DEPDC4: variants seen among roughly 807,000 people sequenced by gnomAD.
DEPDC4 encodes DEP domain-containing protein 4.
Under a neutral mutation model 52.0 loss-of-function variants are expected in DEPDC4, and 52 were observed. The ratio of observed to expected loss-of-function variants is 1.00; its 90% confidence interval spans 0.80 to 1.26. The LOEUF is 1.26. Ranked by LOEUF, DEPDC4 falls within the 50% of genes most tolerant of loss-of-function variation. The pLI is 0.00. For missense variants in DEPDC4, 530 were observed against 546.9 expected, an observed-to-expected ratio of 0.97 and a Z score of 0.31; for synonymous variants, 201 against 196.8, an observed-to-expected ratio of 1.02 and a Z score of -0.18.
In DEPDC4 at chr12:100,241,828, G is replaced by A; in HGVS notation, c.*64C>T. ...TTTTCAAACTCCTTGTATGTCAAGG[G>A]TTGGCAAAACGTAAAGCCTGGAAAA... is the stretch of plus-strand genomic sequence containing the variant. On this transcript the variant is annotated 3_prime_UTR_variant, in exon 10 of 10. Transcript: ENST00000550587. 2 of 1,194,006 alleles carry A rather than the reference G, an allele frequency of 1.7e-6. No individual in the cohort carries two copies. The highest frequency in any genetic ancestry group is 2.1e-6 in the Non-Finnish European group (2 of 947,824). 74.0% of individuals were successfully genotyped at this position (1,194,006 alleles called of 1,614,324 possible).
chr12:100,256,823 A>T (rs1365218579), intron 3 of DEPDC4, among the ~76,000 whole-genome samples: 1 of 151,590 alleles, frequency 6.6e-6, no homozygotes, highest in Non-Finnish European at 1.5e-5. Flanking sequence ...TCGTGTTTTT[A>T]GTAGAGACGG....
chr12:100,238,808 C>T (rs1381107262), downstream of DEPDC4, among the ~76,000 whole-genome samples: 2 of 152,086 alleles, frequency 1.3e-5, no homozygotes, highest in African/African-American at 4.8e-5. Flanking sequence ...GTTAATATAA[C>T]ATTGGGATAT....
chr12:100,280,384 C>T, the DEPDC4 span, among the ~76,000 whole-genome samples: 2 of 152,116 alleles, frequency 1.3e-5, no homozygotes, highest in Non-Finnish European at 1.5e-5. Flanking sequence ...GTATGGGGGC[C>T]TAATAATACC....
chr12:100,270,696 A>G (rs977569381), upstream of DEPDC4, among the ~76,000 whole-genome samples: 1 of 150,736 alleles, frequency 6.6e-6, no homozygotes, highest in Non-Finnish European at 1.5e-5. Flanking sequence ...GCTGGTCTCG[A>G]ACTCCTGAGC....
At chr12:100,241,902 T>TA in intron 9 of DEPDC4, 57 bp from the exon 10 acceptor site, 1 of 1,118,256 alleles carries the variant, frequency 8.9e-7, no homozygotes, top group South Asian at 1.9e-5. Flanking sequence ...AAAAGCAAGT[T>TA]AAAAAACCAA....
At chr12:100,253,776 C>A in intron 4 of DEPDC4, 61 bp from the exon 5 acceptor site, 1 of 914,584 alleles carries the variant, frequency 1.1e-6, no homozygotes, top group Non-Finnish European at 1.5e-6. Context: ...AACTAAAGCA[C>A]TATTTGATAA....
At position 100,244,127 on chromosome 12, in the gene DEPDC4, A is replaced by ATT. The variant is rs1201237263; in HGVS notation, c.1454-1559_1454-1558insAA. On this transcript the variant is annotated intron_variant, in intron 8 of 9. Coordinates refer to ENST00000550587, the MANE Select transcript of DEPDC4 (RefSeq NM_001364818.2). ...TATATATATATATATATATATATAT[A>ATT]TATATATACACAAAATACAATAAAA... 5.6e-4 allele frequency among the ~76,000 whole-genome samples: 74 copies of ATT among 133,116 alleles called. 1 individual carries two copies. The highest frequency in any genetic ancestry group is 9.4e-4 in the Non-Finnish European group (60 of 63,588). 87.3% of individuals were successfully genotyped at this position (133,116 alleles called of 152,430 possible).
At chr12:100,254,108 C>T (rs2096221052) in intron 4 of DEPDC4, among the ~76,000 whole-genome samples, 1 of 151,858 alleles carries the variant, frequency 6.6e-6, no homozygotes, top group South Asian at 2.1e-4. Flanking sequence ...GAACTGTTTA[C>T]CCCACCACAC....
intron 8 of DEPDC4, among the ~76,000 whole-genome samples, chr12:100,247,858 A>C (rs1412106942): frequency 6.6e-6 from 1 of 152,158 alleles, no homozygotes. Context: ...CTCCTCTGTA[A>C]ATGTTCTTTC....
chr12:100,231,683 T>C (rs2096135145), intron 9 of DEPDC4, among the ~76,000 whole-genome samples: 1 of 152,240 alleles, frequency 6.6e-6, no homozygotes, highest in Non-Finnish European at 1.5e-5. Context: ...GCTAATTTAA[T>C]GGTTAGTATT....
intron 3 of DEPDC4, among the ~76,000 whole-genome samples, chr12:100,261,149 C>T (rs973251833): frequency 6.6e-6 from 1 of 150,926 alleles, no homozygotes; most frequent in African/African-American, 2.4e-5. Context: ...ACAGTGCACT[C>T]CAGCCTGGGC....
In DEPDC4 at chr12:100,261,915, T is replaced by A. The variant is rs1430146879; in HGVS notation, c.700+349A>T. On this transcript the variant is annotated intron_variant, in intron 3 of 9. Transcript: ENST00000550587. ...ATGAGTAGGTAAAGCACAGAGAATT[T>A]TTAGGGCACTGAAACTATTCTGTAT... The A allele has an allele frequency of 9.9e-6, 4 of 402,908 alleles. No homozygotes were observed. The East Asian group carries it at 2.8e-4, about 28-fold the overall frequency. The allele number at this position is 402,908 out of a possible 1,614,324, so 25.0% of individuals were successfully genotyped here.
At chr12:100,263,384 A>C in intron 2 of DEPDC4, 113 bp downstream of exon 2, 1 of 738,716 alleles carries the variant, frequency 1.4e-6, no homozygotes, top group Non-Finnish European at 2.0e-6. Context: ...TTTCACATGG[A>C]TTTTTTTTTT....
chr12:100,239,857 T>C (rs1402248297), downstream of DEPDC4, among the ~76,000 whole-genome samples: 1 of 151,968 alleles, frequency 6.6e-6, no homozygotes, highest in Non-Finnish European at 1.5e-5. Context: ...GCCTGGGCAA[T>C]ATAGTGAGAC....
chr12:100,262,393 T>C lies in DEPDC4; in HGVS notation c.571A>G (p.Ile191Val). The C allele has an allele frequency of 6.2e-7, 1 of 1,608,826 alleles. No homozygotes were observed. The highest frequency in any genetic ancestry group is 8.5e-7 in the Non-Finnish European group (1 of 1,179,018). Residue 191 changes from isoleucine (I) to valine (V), a missense_variant, in exon 3 of 10, where the codon ATT becomes GTT. Coordinates refer to ENST00000550587, the MANE Select transcript of DEPDC4 (RefSeq NM_001364818.2). Reference sequence around the variant, plus strand: ...ATCTCCTGTGCTAGAGGATTTGAAATCATTTCATATCCTGGTCTGTTAAAA... The same window carrying C: ...ATCTCCTGTGCTAGAGGATTTGAAACCATTTCATATCCTGGTCTGTTAAAA... ...NETLRPGYEM[I>V]SNPLAQEIGE...
At chr12:100,232,189 T>A (rs1027592958) in intron 9 of DEPDC4, among the ~76,000 whole-genome samples, 5 of 151,620 alleles carry the variant, frequency 3.3e-5, no homozygotes, top group Non-Finnish European at 5.9e-5. Context: ...GTCAGGAGTT[T>A]GAGACCAGCC....
chr12:100,277,028 C>A, the DEPDC4 span, among the ~76,000 whole-genome samples: 1 of 152,006 alleles, frequency 6.6e-6, no homozygotes, highest in Non-Finnish European at 1.5e-5. Flanking sequence ...TGATTAATTT[C>A]CATATATTTG....
chr12:100,253,787 A>G, intron 4 of DEPDC4, 72 bp from the exon 5 acceptor site: 1 of 842,202 alleles, frequency 1.2e-6, no homozygotes, highest in Admixed American at 3.5e-5. Flanking sequence ...TATTTGATAA[A>G]ACATGAAAAA....
chr12:100,273,037 C>G, the DEPDC4 span, among the ~76,000 whole-genome samples: 1 of 152,038 alleles, frequency 6.6e-6, no homozygotes, highest in Non-Finnish European at 1.5e-5. Context: ...TATTGAAGTT[C>G]TCTTCAGTCT....
Sources: gnomAD v4.1 joint callset for allele counts (sites outside exome capture counted in the v4.1 genomes callset) on GRCh38, gnomAD v4.1.1 for gene constraint, MANE v1.5 for transcripts, NCBI Gene and HGNC (gene_info 2026-07-23, HGNC 2026-07-21) for gene names.